PIKFYVE: variants seen among roughly 807,000 people sequenced by gnomAD.
PIKFYVE encodes phosphoinositide kinase, FYVE-type zinc finger containing.
Under a neutral mutation model 257.9 loss-of-function variants are expected in PIKFYVE, and 122 were observed. That is an observed-to-expected ratio of 0.47 (90% CI 0.41 to 0.55). The LOEUF (loss-of-function observed/expected upper bound fraction) is 0.55, where lower values mean the gene tolerates loss of function less well. PIKFYVE is among the 20% of genes least tolerant of loss of function. PIKFYVE has a pLI of 0.00. For synonymous variants in PIKFYVE, 892 were observed against 868.9 expected (o/e 1.03, Z -0.47); for missense variants, 2,160 against 2,536.6 (o/e 0.85, Z 3.19).
chr2:208,313,185 A>G (rs1695114490), intron 13 of PIKFYVE, among the ~76,000 whole-genome samples: 1 of 152,082 alleles, frequency 6.6e-6, no homozygotes, highest in Non-Finnish European at 1.5e-5. Flanking sequence ...AGCATTTCCC[A>G]CTTCTTTTCT....
At chr2:208,300,284 T>G (rs1328575976) in intron 8 of PIKFYVE, among the ~76,000 whole-genome samples, 1 of 152,168 alleles carries the variant, frequency 6.6e-6, no homozygotes, top group African/African-American at 2.4e-5. Context: ...GTGAATCTTA[T>G]TTAAAGGTGT....
At chr2:208,332,227 A>G (rs758969640) in intron 23 of PIKFYVE, among the ~76,000 whole-genome samples, 2 of 152,228 alleles carry the variant, frequency 1.3e-5, no homozygotes, top group African/African-American at 2.4e-5. Flanking sequence ...ATTCATTAGT[A>G]GTCAGGTAAG....
In PIKFYVE at chr2:208,326,435, C is replaced by G; in HGVS notation, c.3618+6C>G. ...ATGCTGTGTGGTCAACAAAGGTGAG[C>G]CAGACCACTTTCTGATGCTCCTGTG... On this transcript the variant is annotated splice_donor_region_variant and intron_variant, in intron 20 of 41. Transcript: ENST00000264380. 1.2e-6 allele frequency: 2 copies of G among 1,613,050 alleles called. No homozygotes were observed. The highest frequency in any genetic ancestry group is 8.5e-7 in the Non-Finnish European group (1 of 1,179,166).
In PIKFYVE at chr2:208,315,388, T is replaced by G. The variant is rs1277385721; in HGVS notation, c.2007+15T>G. On this transcript the variant is annotated intron_variant, in intron 15 of 41. Coordinates refer to ENST00000264380, the MANE Select transcript of PIKFYVE (RefSeq NM_015040.4). The stretch of plus-strand genomic sequence containing the variant: ...ACATCAAAAAAGTGAGCTCTGCTAA[T>G]GTTTTACTAATGCTAGGAACTGATG... 6.2e-7 allele frequency: 1 copy of G among 1,613,340 alleles called. No homozygotes were observed. Among genetic ancestry groups the G allele is most frequent in the African/African-American group, 1.3e-5 (1 of 74,934 alleles).
chr2:208,351,479 G>A (rs1699768199), intron 38 of PIKFYVE, 24 bp downstream of exon 38: 1 of 1,560,328 alleles, frequency 6.4e-7, no homozygotes, highest in Admixed American at 1.7e-5. Context: ...ACCATGGTCT[G>A]TAATCAAAGT....
intron 5 of PIKFYVE, among the ~76,000 whole-genome samples, chr2:208,278,856 C>T (rs1690444779): frequency 6.6e-6 from 1 of 152,298 alleles, no homozygotes; most frequent in Non-Finnish European, 1.5e-5. Context: ...AAAAGTGTTA[C>T]AATGAACATA....
chr2:208,311,051 A>G (rs1694882652), intron 12 of PIKFYVE, among the ~76,000 whole-genome samples: 1 of 152,192 alleles, frequency 6.6e-6, no homozygotes, highest in African/African-American at 2.4e-5. Flanking sequence ...AAACATACAC[A>G]TATATGGCAA....
chr2:208,293,483 C>T (rs1484118276), intron 7 of PIKFYVE, among the ~76,000 whole-genome samples: 1 of 152,102 alleles, frequency 6.6e-6, no homozygotes, highest in Non-Finnish European at 1.5e-5. Flanking sequence ...GCAAAAAATT[C>T]CCTCAGTTTT....
In PIKFYVE at chr2:208,270,110, C is replaced by T. The variant is rs562766557; in HGVS notation, c.-9-1401C>T. Among the ~76,000 whole-genome samples the T allele has an allele frequency of 1.7e-4, 24 of 140,632 alleles. No individual in the cohort carries two copies. The East Asian group carries it at 4.8e-3, about 28-fold the overall frequency. The allele number at this position is 140,632 out of a possible 152,430, so 92.3% of individuals were successfully genotyped here. A position where few individuals can be genotyped will look rare whatever the true frequency, so the allele number is the denominator to read the frequency against. ...CCAGGCTGGAGTGCAGTGGCGTGAT[C>T]GGCTCGCTGTAACCTCCGCCTCCTG... On this transcript the variant is annotated intron_variant, in intron 1 of 41. Transcript: ENST00000264380.
At chr2:208,350,318 ATAGT>A (rs1309999372) in intron 36 of PIKFYVE, among the ~76,000 whole-genome samples, 1 of 152,156 alleles carries the variant, frequency 6.6e-6, no homozygotes, top group Non-Finnish European at 1.5e-5. Flanking sequence ...CTTATTTCTA[ATAGT>A]TAAACATTTA....
At chr2:208,335,717 C>T in intron 25 of PIKFYVE, 76 bp from the exon 26 acceptor site, 1 of 1,162,750 alleles carries the variant, frequency 8.6e-7, no homozygotes. Flanking sequence ...TTGCATGTAG[C>T]TTTTTTTTCT....
intron 2 of PIKFYVE, 97 bp from the exon 3 acceptor site, chr2:208,273,487 A>AC: frequency 7.1e-7 from 1 of 1,417,108 alleles, no homozygotes; most frequent in Non-Finnish European, 1.0e-6. Flanking sequence ...TACGCATATA[A>AC]TACATGCATA....
At chr2:208,343,920 C>G (rs1698974061) in intron 32 of PIKFYVE, among the ~76,000 whole-genome samples, 2 of 150,124 alleles carry the variant, frequency 1.3e-5, no homozygotes, top group Admixed American at 6.6e-5. Context: ...CAAGCTCCGC[C>G]TCCGGGTTTC....
At chr2:208,315,504 T>G in intron 15 of PIKFYVE, 131 bp downstream of exon 15, 1 of 872,356 alleles carries the variant, frequency 1.1e-6, no homozygotes, top group South Asian at 1.5e-5. Flanking sequence ...GAGGTTTTGC[T>G]GTCTGCTTTG....
At chr2:208,274,191 G>C (rs1689810857) in intron 3 of PIKFYVE, 2 of 935,510 alleles carry the variant, frequency 2.1e-6, no homozygotes, top group East Asian at 2.6e-5. Context: ...TGTCCTTGTT[G>C]GGGTGCAAAC....
chr2:208,302,799 G>A (rs1559086155), intron 10 of PIKFYVE, among the ~76,000 whole-genome samples: 1 of 152,116 alleles, frequency 6.6e-6, no homozygotes, highest in Non-Finnish European at 1.5e-5. Flanking sequence ...AGTGATGATG[G>A]CTGGGTACGG....
intron 25 of PIKFYVE, 24 bp from the exon 26 acceptor site, chr2:208,335,769 G>GT: frequency 6.5e-7 from 1 of 1,548,386 alleles, no homozygotes; most frequent in Non-Finnish European, 8.9e-7. Context: ...TTTCTAAAGT[G>GT]TTTAATGCTC....
Position 208,273,751 on chromosome 2 carries a change from T to G in PIKFYVE, c.322+18T>G, listed in dbSNP as rs1410043196. Reference sequence around the variant, plus strand: ...AGCATTAGGTAAAACAGTGTTCTTATTTCATTCCCTTCTATATGCTAGATT... The same window carrying G: ...AGCATTAGGTAAAACAGTGTTCTTAGTTCATTCCCTTCTATATGCTAGATT... On this transcript the variant is annotated intron_variant, in intron 3 of 41. Coordinates refer to ENST00000264380, the MANE Select transcript of PIKFYVE (RefSeq NM_015040.4). The G allele has an allele frequency of 6.2e-7, 1 of 1,613,780 alleles. No individual in the cohort carries two copies. The highest frequency in any genetic ancestry group is 2.2e-5 in the East Asian group (1 of 44,874).
chr2:208,288,532 T>C (rs4673390), intron 6 of PIKFYVE, among the ~76,000 whole-genome samples, 197 bp from the exon 7 acceptor site: 141,635 of 152,292 alleles, frequency 0.93, 66,390 homozygotes, highest in Non-Finnish European at 0.98. Context: ...TTTCGGCATT[T>C]TATATTCTTA....
Sources: gnomAD v4.1 joint callset for allele counts (sites outside exome capture counted in the v4.1 genomes callset) on GRCh38, gnomAD v4.1.1 for gene constraint, MANE v1.5 for transcripts, NCBI Gene and HGNC (gene_info 2026-07-23, HGNC 2026-07-21) for gene names.